The following SORCS1 variants were observed in gnomAD, a reference collection of about 807,000 sequenced individuals.
The protein encoded by SORCS1 is VPS10 domain-containing receptor SorCS1.
A neutral mutation model predicts 146.1 loss-of-function variants in SORCS1; 60 were observed. That is an observed-to-expected ratio of 0.41 (90% CI 0.33 to 0.51). The LOEUF is 0.51. Ranked by LOEUF, SORCS1 falls within the 20% of genes least tolerant of loss-of-function variation. The pLI is 0.21. For missense variants in SORCS1, 1,352 were observed against 1,487.6 expected, an observed-to-expected ratio of 0.91 and a Z score of 1.50; for synonymous variants, 637 against 584.0, an observed-to-expected ratio of 1.09 and a Z score of -1.31.
At chr10:106,871,566 A>C (rs1441621675) in intron 2 of SORCS1, among the ~76,000 whole-genome samples, 3 of 152,240 alleles carry the variant, frequency 2.0e-5, no homozygotes, top group African/African-American at 7.2e-5. Flanking sequence ...CAGCCATCAA[A>C]AAGGACAAGA....
intron 1 of SORCS1, among the ~76,000 whole-genome samples, chr10:107,119,800 T>C (rs544555655): frequency 4.6e-5 from 7 of 152,222 alleles, no homozygotes; most frequent in African/African-American, 1.7e-4. Flanking sequence ...AGTAGATAGG[T>C]CACAAGTTAA....
At chr10:106,674,804 T>C (rs1851904779) in intron 14 of SORCS1, among the ~76,000 whole-genome samples, 1 of 152,216 alleles carries the variant, frequency 6.6e-6, no homozygotes, top group East Asian at 1.9e-4. Context: ...ATGTACAGCT[T>C]TATTTCCTAT....
At chr10:106,624,359 T>A (rs1304926269) in intron 19 of SORCS1, among the ~76,000 whole-genome samples, 34 of 128,422 alleles carry the variant, frequency 2.6e-4, no homozygotes, top group Non-Finnish European at 4.5e-4. Context: ...TTTTTTTTTT[T>A]TTTTTTTTTT....
At chr10:106,821,692 C>G (rs966697803) in intron 3 of SORCS1, among the ~76,000 whole-genome samples, 2 of 152,028 alleles carry the variant, frequency 1.3e-5, no homozygotes, top group Non-Finnish European at 2.9e-5. Flanking sequence ...GAGGCCGAGG[C>G]GGGCGGATCC....
rs1010006592 is a variant in SORCS1 at position 106,574,007 on chromosome 10, G to C, written c.*3413C>G. ...ATTTAACAAAAAATACATCAAAAAA[G>C]TCATTTTAAAATTAGAAGTAGTTCC... On this transcript the variant is annotated 3_prime_UTR_variant, in exon 26 of 26. Coordinates refer to ENST00000263054, the MANE Select transcript of SORCS1 (RefSeq NM_052918.5). 1 of 151,516 alleles carries C rather than the reference G, an allele frequency of 6.6e-6. No homozygotes were observed. Among genetic ancestry groups the C allele is most frequent in the Admixed American group, 6.6e-5 (1 of 15,170 alleles). 9.4% of individuals were successfully genotyped at this position (151,516 alleles called of 1,614,324 possible).
the SORCS1 span, among the ~76,000 whole-genome samples, chr10:107,176,241 T>TTTCCTTCC: frequency 3.3e-5 from 5 of 150,444 alleles, no homozygotes; most frequent in Admixed American, 2.0e-4. Context: ...CCTTCCCTGT[T>TTTCCTTCC]TTCCTTCCTT....
chr10:106,862,719 G>A (rs1427105285), intron 2 of SORCS1, among the ~76,000 whole-genome samples: 1 of 144,616 alleles, frequency 6.9e-6, no homozygotes, highest in Non-Finnish European at 1.5e-5. Context: ...GCCGAGACAG[G>A]CGGATCATGA....
intron 18 of SORCS1, among the ~76,000 whole-genome samples, chr10:106,631,555 T>C (rs1274903108): frequency 2.0e-5 from 3 of 152,140 alleles, no homozygotes; most frequent in Non-Finnish European, 4.4e-5. Flanking sequence ...ATCCATGGAA[T>C]AAAACAAGGA....
At position 106,602,512 on chromosome 10, in the gene SORCS1, AACACACACAC is replaced by A. The variant is rs66699179; in HGVS notation, c.3165+4644_3165+4653del. 7.4e-3 allele frequency among the ~76,000 whole-genome samples: 1,024 copies of A among 138,844 alleles called. 15 individuals carry two copies. The highest frequency in any genetic ancestry group is 0.026 in the African/African-American group (973 of 37,286). The allele number at this position is 138,844 out of a possible 152,430, so 91.1% of individuals were successfully genotyped here. ...CAGTAGCTCAATTTCATTCCTTCAT[AACACACACAC>A]ACACACACACACACACACACACACA... On this transcript the variant is annotated intron_variant, in intron 23 of 25. Coordinates refer to ENST00000263054, the MANE Select transcript of SORCS1 (RefSeq NM_052918.5).
chr10:106,676,322 T>A (rs985488699), intron 13 of SORCS1, among the ~76,000 whole-genome samples: 2 of 152,112 alleles, frequency 1.3e-5, no homozygotes, highest in Admixed American at 1.3e-4. Flanking sequence ...GGCAGAATTG[T>A]GGAATATCAC....
At chr10:107,141,222 A>C (rs1306391885) in intron 1 of SORCS1, among the ~76,000 whole-genome samples, 1 of 152,230 alleles carries the variant, frequency 6.6e-6, no homozygotes, top group African/African-American at 2.4e-5. Context: ...AGAGTTCATA[A>C]GATTCTGGAC....
intron 1 of SORCS1, among the ~76,000 whole-genome samples, chr10:107,090,686 G>A (rs1216474960): frequency 6.6e-6 from 1 of 152,100 alleles, no homozygotes; most frequent in Admixed American, 6.6e-5. Context: ...GAGATTCTGG[G>A]CATGATAGAG....
At chr10:106,928,310 G>A (rs957410697) in intron 2 of SORCS1, among the ~76,000 whole-genome samples, 11 of 152,174 alleles carry the variant, frequency 7.2e-5, no homozygotes, top group African/African-American at 2.4e-4. Context: ...CGGCACTGCC[G>A]AGGGACCCAG....
At chr10:106,706,453 G>A (rs1854537437) in intron 8 of SORCS1, 92 bp downstream of exon 8, 2 of 1,219,626 alleles carry the variant, frequency 1.6e-6, no homozygotes, top group Non-Finnish European at 1.2e-6. Context: ...ACATGACTAT[G>A]AGAGGCTGAA....
intron 1 of SORCS1, among the ~76,000 whole-genome samples, chr10:107,150,448 A>G (rs1420225415): frequency 1.3e-5 from 2 of 152,218 alleles, no homozygotes. Flanking sequence ...GCCATCACAC[A>G]TGCAAGAGTG....
intron 2 of SORCS1, among the ~76,000 whole-genome samples, chr10:106,930,154 C>A (rs12254410): frequency 0.52 from 79,141 of 151,934 alleles, 22,211 homozygotes; most frequent in Non-Finnish European, 0.63. Context: ...TGGTGCTGAG[C>A]GCCTGCAGTC....
chr10:106,601,349 A>G (rs1430041461), intron 23 of SORCS1, among the ~76,000 whole-genome samples: 1 of 152,128 alleles, frequency 6.6e-6, no homozygotes, highest in African/African-American at 2.4e-5. Context: ...AGCACAGTCC[A>G]TTTTCTATTC....
intron 2 of SORCS1, among the ~76,000 whole-genome samples, chr10:106,916,422 G>T (rs1952427710): frequency 6.7e-6 from 1 of 149,720 alleles, no homozygotes; most frequent in Non-Finnish European, 1.5e-5. Context: ...GTGTGTGGGG[G>T]TATACACATA....
chr10:106,912,084 G>T lies in SORCS1; in HGVS notation c.626+44429C>A, dbSNP rs578239354. Among the ~76,000 whole-genome samples, 8 of 145,964 alleles carry T rather than the reference G, an allele frequency of 5.5e-5. No individual in the cohort carries two copies. In the South Asian group the frequency reaches 1.8e-3, roughly 32 times the overall value. ...GCTGAGATCCTGCCACTGCACTCCAGCCTGAGCGACAGATTGAGCCTCCGT... is the reference window on the plus strand; with the variant it reads ...GCTGAGATCCTGCCACTGCACTCCATCCTGAGCGACAGATTGAGCCTCCGT... On this transcript the variant is annotated intron_variant, in intron 2 of 25. Coordinates refer to ENST00000263054, the MANE Select transcript of SORCS1 (RefSeq NM_052918.5).
Sources: allele counts gnomAD v4.1 joint callset (sites outside exome capture counted in the v4.1 genomes callset), GRCh38; gene constraint gnomAD v4.1.1; transcripts MANE v1.5; gene names NCBI Gene and HGNC (gene_info 2026-07-23, HGNC 2026-07-21).